TBC1D21: variants seen among roughly 807,000 people sequenced by gnomAD.
TBC1D21 encodes male germ cell Rab GTPase-activating protein.
In TBC1D21, 38 loss-of-function variants were observed where a neutral mutation model predicts 46.0. The ratio of observed to expected loss-of-function variants is 0.83; its 90% CI spans 0.64 to 1.08. The LOEUF is 1.08. Among genes scored for constraint, TBC1D21 ranks in the 50% least tolerant of loss-of-function variants. The pLI, the probability that TBC1D21 is intolerant of heterozygous loss-of-function variation, is 0.00. For synonymous variants in TBC1D21, 151 were observed against 157.2 expected (o/e 0.96, Z 0.29); for missense variants, 415 against 417.9 (o/e 0.99, Z 0.06).
At position 73,878,978 on chromosome 15, in the gene TBC1D21, T is replaced by A. The variant is rs576862650; in HGVS notation, c.61-2421T>A. 2.6e-5 allele frequency among the ~76,000 whole-genome samples: 4 copies of A among 152,252 alleles called. No homozygotes were observed. In the South Asian group the frequency reaches 6.2e-4, roughly 24 times the overall value. ...TGATGAGTGGCAGTGTCTATGCAGG[T>A]GGGGAACACATCAGGGCAGACCCTG... is the stretch of plus-strand genomic sequence containing the variant. On this transcript the variant is annotated intron_variant, in intron 1 of 10. Transcript: ENST00000300504.
chr15:73,888,201 G>GC (rs1300996070), intron 9 of TBC1D21, among the ~76,000 whole-genome samples: 1 of 152,204 alleles, frequency 6.6e-6, no homozygotes, highest in African/African-American at 2.4e-5. Flanking sequence ...ACTTGGTGGA[G>GC]CCCCAGGACT....
chr15:73,889,056 G>A lies in TBC1D21; in HGVS notation c.979-13G>A. On this transcript the variant is annotated splice_polypyrimidine_tract_variant and intron_variant, in intron 10 of 10. Coordinates refer to ENST00000300504, the MANE Select transcript of TBC1D21 (RefSeq NM_153356.3). ...ACCAATGTCTGTGCACCTCCCACCT[G>A]CCTCCTCCCTAGGTTCCTCAGACAT... 6.2e-7 allele frequency: 1 copy of A among 1,613,314 alleles called. No homozygotes were observed. Among genetic ancestry groups the A allele is most frequent in the Non-Finnish European group, 8.5e-7 (1 of 1,179,732 alleles).
At chr15:73,889,251 G>A (rs544124127), downstream of TBC1D21, 2 of 939,240 alleles carry the variant, frequency 2.1e-6, no homozygotes, top group South Asian at 1.5e-5. Context: ...GACCTTAGGG[G>A]CTGGGACGCA....
Position 73,881,764 on chromosome 15 carries a change from C to A in TBC1D21, c.272+17C>A, listed in dbSNP as rs1336593308. On this transcript the variant is annotated intron_variant, in intron 3 of 10. Transcript: ENST00000300504. ...CATGAGGAGGTAGAACACTCCAGAC[C>A]CTGCTGGGACAGGAGGGGGGCCTGC... The A allele has an allele frequency of 1.2e-6, 2 of 1,609,972 alleles. No individual in the cohort carries two copies. The highest frequency in any genetic ancestry group is 1.7e-6 in the Non-Finnish European group (2 of 1,177,580).
the TBC1D21 span, among the ~76,000 whole-genome samples, chr15:73,898,481 A>C: frequency 6.6e-6 from 1 of 152,208 alleles, no homozygotes; most frequent in Non-Finnish European, 1.5e-5. Flanking sequence ...TGTATTTTAA[A>C]ATTTTAATAG....
intron 8 of TBC1D21, among the ~76,000 whole-genome samples, chr15:73,887,071 G>T (rs1209005220): frequency 6.6e-6 from 1 of 152,148 alleles, no homozygotes; most frequent in East Asian, 1.9e-4. Context: ...GCCATCAGCA[G>T]ATGAACCCTC....
At chr15:73,901,418 C>T in the TBC1D21 span, among the ~76,000 whole-genome samples, 1 of 152,342 alleles carries the variant, frequency 6.6e-6, no homozygotes, top group East Asian at 1.9e-4. Flanking sequence ...GGGGCATGCC[C>T]CCAAGAGCAC....
chr15:73,878,417 G>A (rs184712868), intron 1 of TBC1D21, among the ~76,000 whole-genome samples: 1 of 152,292 alleles, frequency 6.6e-6, no homozygotes, highest in African/African-American at 2.4e-5. Flanking sequence ...AAGCCACTAC[G>A]ACTACTAAGT....
downstream of TBC1D21, among the ~76,000 whole-genome samples, chr15:73,893,865 C>A (rs149483510): frequency 6.6e-6 from 1 of 152,326 alleles, no homozygotes; most frequent in Non-Finnish European, 1.5e-5. Context: ...AGCTGGTGGG[C>A]TGGAGCTTCA....
At chr15:73,885,879 A>G (rs2141576648) in intron 6 of TBC1D21, among the ~76,000 whole-genome samples, 199 bp from the exon 7 acceptor site, 1 of 151,738 alleles carries the variant, frequency 6.6e-6, no homozygotes, top group African/African-American at 2.4e-5. Flanking sequence ...TATACAGACA[A>G]ACTTGCATAC....
intron 1 of TBC1D21, among the ~76,000 whole-genome samples, chr15:73,876,235 T>TTG (rs2068064980): frequency 8.6e-6 from 1 of 116,956 alleles, no homozygotes; most frequent in Non-Finnish European, 1.7e-5. Flanking sequence ...TTTTTTTTTT[T>TTG]TTTTTTTTTT....
chr15:73,898,880 A>AAAAAAAAAAAAAAAATATAT, the TBC1D21 span, among the ~76,000 whole-genome samples: 2 of 56,802 alleles, frequency 3.5e-5, no homozygotes, highest in African/African-American at 5.3e-5. Context: ...AAAAAAAAAA[A>AAAAAAAAAAAAAAAATATAT]ATATATATAT....
In TBC1D21 at chr15:73,881,749, T is replaced by C. The variant is rs781559610; in HGVS notation, c.272+2T>C. 5.6e-6 allele frequency: 9 copies of C among 1,611,178 alleles called. No individual in the cohort carries two copies. The highest frequency in any genetic ancestry group is 1.6e-4 in the Middle Eastern group (1 of 6,062). ...GCTCACGGTGGACAGCATGAGGAGG[T>C]AGAACACTCCAGACCCTGCTGGGAC... On this transcript the variant is annotated splice_donor_variant, in intron 3 of 10. Coordinates refer to ENST00000300504, the MANE Select transcript of TBC1D21 (RefSeq NM_153356.3). LOFTEE classifies it high-confidence loss of function.
intron 9 of TBC1D21, among the ~76,000 whole-genome samples, chr15:73,887,995 T>C (rs1036936937): frequency 6.6e-6 from 1 of 152,208 alleles, no homozygotes; most frequent in African/African-American, 2.4e-5. Context: ...CATGAGGAAA[T>C]GGAGGCCTTG....
At chr15:73,900,311 C>T in the TBC1D21 span, among the ~76,000 whole-genome samples, 4 of 152,198 alleles carry the variant, frequency 2.6e-5, no homozygotes, top group African/African-American at 7.2e-5. Context: ...AAGTGCCCGG[C>T]GCGGGCTGGG....
chr15:73,902,000 G>T, the TBC1D21 span, among the ~76,000 whole-genome samples: 1 of 152,006 alleles, frequency 6.6e-6, no homozygotes, highest in Non-Finnish European at 1.5e-5. Context: ...TTTTTGTAGA[G>T]ATGGGGACTC....
intron 8 of TBC1D21, 113 bp from the exon 9 acceptor site, chr15:73,887,507 G>A: frequency 1.2e-6 from 1 of 818,570 alleles, no homozygotes; most frequent in Non-Finnish European, 2.1e-6. Flanking sequence ...CAAGTCAGCA[G>A]CAAGGCCCAG....
Position 73,884,668 on chromosome 15 carries a change from C to G in TBC1D21, c.368-113C>G, listed in dbSNP as rs2068210423. 5.6e-6 allele frequency: 4 copies of G among 710,730 alleles called. No individual in the cohort carries two copies. The East Asian group carries it at 1.1e-4, about 19-fold the overall frequency. 44.0% of individuals were successfully genotyped at this position (710,730 alleles called of 1,614,324 possible). A position where few individuals can be genotyped will look rare whatever the true frequency, so the allele number is the denominator to read the frequency against. On this transcript the variant is annotated intron_variant, in intron 4 of 10. Coordinates refer to ENST00000300504, the MANE Select transcript of TBC1D21 (RefSeq NM_153356.3). ...GGGCTGATGTACCTTTCACAGCTCC[C>G]TCTCCCTCCAGGATGTCCTAGGGCC...
chr15:73,883,417 G>C (rs1408339251), intron 3 of TBC1D21, among the ~76,000 whole-genome samples: 2 of 152,188 alleles, frequency 1.3e-5, no homozygotes, highest in Non-Finnish European at 2.9e-5. Flanking sequence ...CCTTCCAAAG[G>C]CTCTAGGGTA....
Sources: allele counts gnomAD v4.1 joint callset (sites outside exome capture counted in the v4.1 genomes callset), GRCh38; gene constraint gnomAD v4.1.1; transcripts MANE v1.5; gene names NCBI Gene and HGNC (gene_info 2026-07-23, HGNC 2026-07-21).